Variants in B3GALT1 observed in about 807,000 individuals in gnomAD.
B3GALT1 encodes the protein beta-1,3-galactosyltransferase 1.
In B3GALT1, 10 loss-of-function variants were observed where a neutral mutation model predicts 23.2. That is an observed-to-expected ratio of 0.43 (90% CI 0.27 to 0.73). B3GALT1 has a LOEUF of 0.73. B3GALT1 is among the 30% of genes least tolerant of loss of function. The pLI, the probability that B3GALT1 is intolerant of heterozygous loss-of-function variation, is 0.21. For synonymous variants in B3GALT1, 156 were observed against 141.5 expected (o/e 1.10, Z -0.73); for missense variants, 299 against 405.4 (o/e 0.74, Z 2.25).
At chr2:167,440,131 C>T (rs1425636955) in intron 1 of B3GALT1, among the ~76,000 whole-genome samples, 2 of 151,678 alleles carry the variant, frequency 1.3e-5, no homozygotes, top group Non-Finnish European at 2.9e-5. Context: ...ATCACGAGGT[C>T]AGGAGATCAA....
chr2:167,458,922 G>A (rs1293501436), intron 1 of B3GALT1, among the ~76,000 whole-genome samples: 1 of 152,040 alleles, frequency 6.6e-6, no homozygotes. Flanking sequence ...TCTAATATTA[G>A]TATAACCACC....
intron 1 of B3GALT1, among the ~76,000 whole-genome samples, chr2:167,329,974 T>A (rs924282568): frequency 4.6e-5 from 7 of 152,212 alleles, no homozygotes; most frequent in Admixed American, 3.3e-4. Flanking sequence ...TTAGGCAGTT[T>A]GACCATAATG....
chr2:167,688,894 C>G (rs142378910), intron 3 of B3GALT1, among the ~76,000 whole-genome samples: 32 of 152,188 alleles, frequency 2.1e-4, no homozygotes, highest in African/African-American at 7.5e-4. Flanking sequence ...CACCTCTTTT[C>G]TGGGAGCCTT....
In B3GALT1 at chr2:167,869,746, G is replaced by C; in HGVS notation, c.707G>C (p.Cys236Ser). Residue 236 changes from cysteine (C) to serine (S), a missense_variant, in exon 5 of 5, where the codon TGT (cysteine) becomes TCT (serine). Cys to Ser is a moderately radical substitution (Grantham distance 112). Around this residue, in one of 3 missense-constraint regions of B3GALT1, gnomAD observed 133 missense variants for 204.8 expected, o/e 0.65. Transcript: ENST00000392690. The surrounding 1 kb of genome is among the most constrained non-coding windows in gnomAD (Gnocchi z 6.4). ...LYPDSNYPPF[C>S]SGTGYIFSAD... ...CCAGACAGTAACTACCCACCTTTCT[G>C]TTCGGGGACTGGCTACATCTTTTCA... 6.2e-7 allele frequency: 1 copy of C among 1,614,176 alleles called. No individual in the cohort carries two copies. The highest frequency in any genetic ancestry group is 8.5e-7 in the Non-Finnish European group (1 of 1,180,032).
At chr2:167,656,715 G>A (rs1685961545) in intron 3 of B3GALT1, among the ~76,000 whole-genome samples, 1 of 152,068 alleles carries the variant, frequency 6.6e-6, no homozygotes, top group Admixed American at 6.6e-5. Flanking sequence ...GCTTATTGTT[G>A]GTGAAGCAAA....
chr2:167,493,220 A>G (rs1307006855), intron 2 of B3GALT1, among the ~76,000 whole-genome samples: 1 of 152,126 alleles, frequency 6.6e-6, no homozygotes, highest in African/African-American at 2.4e-5. Context: ...ATTTTTCTGT[A>G]TGTTTGATGC....
intron 3 of B3GALT1, among the ~76,000 whole-genome samples, chr2:167,760,380 G>A (rs2105297226): frequency 6.6e-6 from 1 of 152,226 alleles, no homozygotes; most frequent in East Asian, 1.9e-4. Context: ...TGAGTATAAG[G>A]ATTTCCATAC....
At chr2:167,521,983 T>TATATATATATATATATATATATATATAC (rs1558891584) in intron 2 of B3GALT1, among the ~76,000 whole-genome samples, 3 of 101,860 alleles carry the variant, frequency 2.9e-5, no homozygotes, top group Non-Finnish European at 4.1e-5. Flanking sequence ...TGTGTGTGTG[T>TATATATATATATATATATATATATATAC]GTATATATAT....
In B3GALT1 at chr2:167,695,775, G is replaced by A. The variant is rs577736490; in HGVS notation, c.-352+48809G>A. ...AATAATCAACACATAATGATTCTAG[G>A]GCTAATACTACCAGCCCATGGTGTT... On this transcript the variant is annotated intron_variant, in intron 3 of 4. Coordinates refer to ENST00000392690, the MANE Select transcript of B3GALT1 (RefSeq NM_020981.4). Among the ~76,000 whole-genome samples, 10 of 152,064 alleles carry A rather than the reference G, an allele frequency of 6.6e-5. No individual in the cohort carries two copies. In the East Asian group the frequency reaches 1.7e-3, roughly 26 times the overall value.
chr2:167,856,669 T>C (rs553445067), intron 4 of B3GALT1, among the ~76,000 whole-genome samples: 3 of 152,154 alleles, frequency 2.0e-5, no homozygotes, highest in Non-Finnish European at 4.4e-5. Flanking sequence ...CTGGGAAAGT[T>C]GTATGCTTTA....
intron 2 of B3GALT1, among the ~76,000 whole-genome samples, chr2:167,606,634 C>T (rs1275408290): frequency 6.1e-5 from 5 of 81,564 alleles, no homozygotes; most frequent in Non-Finnish European, 8.5e-5. Context: ...AATTGTTTGA[C>T]GTTTTGAAAC....
intron 2 of B3GALT1, among the ~76,000 whole-genome samples, chr2:167,561,794 T>C (rs1684000399): frequency 6.6e-6 from 1 of 152,206 alleles, no homozygotes; most frequent in Non-Finnish European, 1.5e-5. Flanking sequence ...TAACAGGATC[T>C]GAAATTGTGG....
chr2:167,518,889 T>C (rs930581055), intron 2 of B3GALT1, among the ~76,000 whole-genome samples: 3 of 152,196 alleles, frequency 2.0e-5, no homozygotes, highest in African/African-American at 7.2e-5. Context: ...AATATGGTGC[T>C]AATGAGATTA....
At chr2:167,645,896 G>A (rs1023726132) in intron 2 of B3GALT1, among the ~76,000 whole-genome samples, 5 of 152,006 alleles carry the variant, frequency 3.3e-5, no homozygotes, top group African/African-American at 1.2e-4. Flanking sequence ...CTTGGGGTGG[G>A]AGTGGGTGAT....
At chr2:167,589,353 T>G (rs1201305784) in intron 2 of B3GALT1, among the ~76,000 whole-genome samples, 1 of 152,182 alleles carries the variant, frequency 6.6e-6, no homozygotes, top group African/African-American at 2.4e-5. Flanking sequence ...TATTAGTCTT[T>G]TTCTTTTTAA....
intron 3 of B3GALT1, among the ~76,000 whole-genome samples, chr2:167,663,770 T>A (rs965282207): frequency 6.6e-6 from 1 of 152,128 alleles, no homozygotes; most frequent in Non-Finnish European, 1.5e-5. Context: ...TTTTGAGAAG[T>A]CTCTGTTCAT....
chr2:167,628,113 CAT>C (rs1398370000), intron 2 of B3GALT1, among the ~76,000 whole-genome samples: 3 of 151,584 alleles, frequency 2.0e-5, no homozygotes, highest in Non-Finnish European at 3.0e-5. Flanking sequence ...AGTCCTTTGT[CAT>C]ATATATGTTT....
chr2:167,309,687 T>G (rs1373437044), intron 1 of B3GALT1, among the ~76,000 whole-genome samples: 4 of 152,194 alleles, frequency 2.6e-5, no homozygotes, highest in Middle Eastern at 3.4e-3. Flanking sequence ...AAGGGTAAAA[T>G]AATCTGCAAA....
chr2:167,406,574 T>G (rs1574066550), intron 1 of B3GALT1, among the ~76,000 whole-genome samples: 1 of 152,158 alleles, frequency 6.6e-6, no homozygotes, highest in African/African-American at 2.4e-5. Flanking sequence ...ATTGAGATGG[T>G]CAGCCGGCTT....
Sources: gnomAD v4.1 joint callset for allele counts (sites outside exome capture counted in the v4.1 genomes callset) on GRCh38, gnomAD v4.1.1 for gene constraint, gnomAD v4.1.1 regional missense constraint, Gnocchi (gnomAD v3.1) non-coding constraint, MANE v1.5 for transcripts, NCBI Gene and HGNC (gene_info 2026-07-23, HGNC 2026-07-21) for gene names.